Variants in MNAT1 observed in about 807,000 individuals in gnomAD.
MNAT1 encodes CDK-activating kinase assembly factor MAT1.
A neutral mutation model predicts 42.0 loss-of-function variants in MNAT1; 43 were observed. The observed-to-expected ratio is 1.02, with a 90% confidence interval of 0.80 to 1.32. The LOEUF (loss-of-function observed/expected upper bound fraction) is 1.32. Among genes scored for constraint, MNAT1 ranks in the 40% most tolerant of loss-of-function variants. MNAT1 has a pLI of 0.00. For missense variants in MNAT1, 306 were observed against 350.4 expected (o/e 0.87, Z 1.01); for synonymous variants, 118 against 120.0 (o/e 0.98, Z 0.11).
chr14:60,856,003 C>G (rs1265448949), intron 6 of MNAT1, among the ~76,000 whole-genome samples: 1 of 152,168 alleles, frequency 6.6e-6, no homozygotes, highest in Non-Finnish European at 1.5e-5. Flanking sequence ...GGCCAATTAA[C>G]AACCCTACAG....
intron 7 of MNAT1, among the ~76,000 whole-genome samples, chr14:60,962,977 G>A (rs549618064): frequency 1.3e-5 from 2 of 152,038 alleles, no homozygotes; most frequent in Admixed American, 6.6e-5. Context: ...GAAGCCATAT[G>A]TTTTTTGTTT....
chr14:60,808,482 A>C, intron 4 of MNAT1, 54 bp downstream of exon 4: 1 of 1,092,232 alleles, frequency 9.2e-7, no homozygotes, highest in Non-Finnish European at 1.3e-6. Context: ...ATGTTTCCAC[A>C]TGATACTTTA....
chr14:60,848,876 T>A lies in MNAT1; in HGVS notation c.687+30029T>A, dbSNP rs546836821. 6.6e-5 allele frequency among the ~76,000 whole-genome samples: 10 copies of A among 152,342 alleles called. No individual in the cohort carries two copies. The South Asian group carries it at 1.9e-3, about 28-fold the overall frequency. ...TACCATAGTATATTTAGTATTTGCATTGAGACATGTATTAGTCTCTTTAAG... is the reference window on the plus strand; with the variant it reads ...TACCATAGTATATTTAGTATTTGCAATGAGACATGTATTAGTCTCTTTAAG... On this transcript the variant is annotated intron_variant, in intron 6 of 7. Transcript: ENST00000261245.
At chr14:60,927,170 T>G (rs1463835915) in intron 7 of MNAT1, among the ~76,000 whole-genome samples, 1 of 152,168 alleles carries the variant, frequency 6.6e-6, no homozygotes, top group Non-Finnish European at 1.5e-5. Context: ...GAGATACATC[T>G]CCTTTATCAG....
chr14:60,961,312 A>G (rs1016320797), intron 7 of MNAT1, among the ~76,000 whole-genome samples: 1 of 152,174 alleles, frequency 6.6e-6, no homozygotes, highest in Admixed American at 6.5e-5. Flanking sequence ...CCCTTGAATA[A>G]AATCCACAGT....
intron 7 of MNAT1, among the ~76,000 whole-genome samples, chr14:60,939,482 G>T (rs998098754): frequency 6.6e-6 from 1 of 152,042 alleles, no homozygotes; most frequent in Non-Finnish European, 1.5e-5. Context: ...CCTTGATTTC[G>T]TTATGTACCC....
At chr14:60,858,270 A>G (rs1320884514) in intron 6 of MNAT1, among the ~76,000 whole-genome samples, 2 of 152,262 alleles carry the variant, frequency 1.3e-5, no homozygotes, top group South Asian at 2.1e-4. Flanking sequence ...TGCCATTCTC[A>G]CTGGCATGAG....
intron 6 of MNAT1, 28 bp from the exon 7 acceptor site, chr14:60,879,686 G>A (rs909149926): frequency 3.2e-6 from 5 of 1,586,562 alleles, no homozygotes; most frequent in Non-Finnish European, 4.3e-6. Context: ...ATAATAAGAG[G>A]TATTAAGTTC....
chr14:60,812,064 A>T lies in MNAT1; in HGVS notation c.498A>T (p.Gln166His), dbSNP rs1239695137. 3 of 1,605,548 alleles carry T rather than the reference A, an allele frequency of 1.9e-6. No individual in the cohort carries two copies. In the East Asian group the frequency reaches 6.7e-5, roughly 36 times the overall value. The change falls in exon 5 of 8, where the codon CAA (glutamine) becomes CAT (histidine). Residue 166 changes from glutamine (Q) to histidine (H), a missense_variant. By Grantham distance (24) the Gln-to-His change is conservative. This residue lies in a region of MNAT1 where 118 missense variants were observed against 99.8 expected (regional missense o/e 1.18). Coordinates refer to ENST00000261245, the MANE Select transcript of MNAT1 (RefSeq NM_002431.4). ...QENEQRRLFI[Q>H]KEEQLQQILK... ...ATGAACAAAGAAGATTATTTATACA[A>T]AAAGAAGAACAACTGCAGCAGATTC...
chr14:60,914,511 G>A (rs141870630), intron 7 of MNAT1, among the ~76,000 whole-genome samples: 287 of 151,454 alleles, frequency 1.9e-3, no homozygotes, highest in African/African-American at 6.8e-3. Flanking sequence ...TTAATTTCAT[G>A]GTTATTACAG....
At chr14:60,906,506 C>A (rs1448270595) in intron 7 of MNAT1, among the ~76,000 whole-genome samples, 3 of 151,970 alleles carry the variant, frequency 2.0e-5, no homozygotes, top group Non-Finnish European at 4.4e-5. Flanking sequence ...CAGTATAGTT[C>A]ATAAGAAAGT....
chr14:60,866,633 C>G (rs570394763), intron 6 of MNAT1, among the ~76,000 whole-genome samples: 54 of 152,090 alleles, frequency 3.6e-4, no homozygotes, highest in African/African-American at 1.3e-3. Flanking sequence ...ATGCCTTTCT[C>G]AAAAGTAATT....
At chr14:60,924,353 T>G (rs1243230735) in intron 7 of MNAT1, among the ~76,000 whole-genome samples, 3 of 146,724 alleles carry the variant, frequency 2.0e-5, no homozygotes, top group Non-Finnish European at 3.0e-5. Context: ...TGTGCTAGTA[T>G]TAAAGAGCTT....
At chr14:60,824,618 T>C (rs1230841156) in intron 6 of MNAT1, among the ~76,000 whole-genome samples, 1 of 152,206 alleles carries the variant, frequency 6.6e-6, no homozygotes. Flanking sequence ...TTATTAGATA[T>C]GTTTCCATGG....
chr14:60,909,782 G>A (rs890511141), intron 7 of MNAT1, among the ~76,000 whole-genome samples: 1 of 152,078 alleles, frequency 6.6e-6, no homozygotes, highest in Non-Finnish European at 1.5e-5. Context: ...TGTTCTTTTG[G>A]CTTAGGATTG....
At chr14:60,962,272 C>G (rs1283040165) in intron 7 of MNAT1, among the ~76,000 whole-genome samples, 3 of 152,106 alleles carry the variant, frequency 2.0e-5, no homozygotes, top group African/African-American at 7.2e-5. Flanking sequence ...AAACATCTGA[C>G]TTGGAAGAAT....
At chr14:60,918,169 A>C (rs1446278488) in intron 7 of MNAT1, among the ~76,000 whole-genome samples, 1 of 140,368 alleles carries the variant, frequency 7.1e-6, no homozygotes, top group Non-Finnish European at 1.5e-5. Context: ...TGTGAACACC[A>C]GTTAGAAGGA....
chr14:60,917,468 A>T (rs1033652323), intron 7 of MNAT1, among the ~76,000 whole-genome samples: 1 of 152,198 alleles, frequency 6.6e-6, no homozygotes, highest in Non-Finnish European at 1.5e-5. Flanking sequence ...TTCTTGGTTT[A>T]GATGGTGTCT....
intron 7 of MNAT1, among the ~76,000 whole-genome samples, chr14:60,959,067 C>T (rs538504631): frequency 9.8e-5 from 15 of 152,312 alleles, no homozygotes; most frequent in African/African-American, 3.1e-4. Context: ...TACAGGCACA[C>T]GTCACCACTT....
Sources: gnomAD v4.1 joint callset for allele counts (sites outside exome capture counted in the v4.1 genomes callset) on GRCh38, gnomAD v4.1.1 for gene constraint, gnomAD v4.1.1 regional missense constraint, MANE v1.5 for transcripts, NCBI Gene and HGNC (gene_info 2026-07-23, HGNC 2026-07-21) for gene names.